Variants in GUCY1B1 observed in about 807,000 individuals in gnomAD.
The protein encoded by GUCY1B1 is guanylate cyclase 1 soluble subunit beta 1, also known as guanylate cyclase soluble subunit beta-1.
Under a neutral mutation model 71.0 loss-of-function variants are expected in GUCY1B1, and 43 were observed. The ratio of observed to expected loss-of-function variants is 0.61; its 90% CI spans 0.47 to 0.78. The LOEUF (loss-of-function observed/expected upper bound fraction) is 0.78, where lower values mean the gene tolerates loss of function less well. Ranked by LOEUF, GUCY1B1 falls within the 30% of genes least tolerant of loss-of-function variation. GUCY1B1 has a pLI of 0.00. For missense variants in GUCY1B1, 535 were observed against 754.1 expected (o/e 0.71, Z 3.40); for synonymous variants, 266 against 259.7 (o/e 1.02, Z -0.23).
Position 155,803,598 on chromosome 4 carries a change from G to A in GUCY1B1, c.1414-26G>A, listed in dbSNP as rs116865677. ...AAACAGTCTTTTTTATGCTAACCGT[G>A]AACATCTAAATATATGTACTGTTAG... is the stretch of plus-strand genomic sequence containing the variant. On this transcript the variant is annotated intron_variant, in intron 10 of 13. Coordinates refer to ENST00000264424, the MANE Select transcript of GUCY1B1 (RefSeq NM_000857.5). 1.0e-4 allele frequency: 146 copies of A among 1,422,462 alleles called. 1 individual carries two copies. The East Asian group carries it at 3.3e-3, about 32-fold the overall frequency. The allele number at this position is 1,422,462 out of a possible 1,614,324, so 88.1% of individuals were successfully genotyped here.
chr4:155,802,126 G>A lies in GUCY1B1; in HGVS notation c.1176-216G>A. ...TTTGAACTAGTTTGGGCTTGCGGAT[G>A]TCTTATGTGATTAGGATGAACAAAT... is the stretch of plus-strand genomic sequence containing the variant. On this transcript the variant is annotated intron_variant, in intron 9 of 13. Coordinates refer to ENST00000264424, the MANE Select transcript of GUCY1B1 (RefSeq NM_000857.5). The surrounding 1 kb of genome is among the most constrained non-coding windows in gnomAD (Gnocchi z 4.3). 9.2e-7 allele frequency: 1 copy of A among 1,092,524 alleles called. No homozygotes were observed. The highest frequency in any genetic ancestry group is 1.3e-6 in the Non-Finnish European group (1 of 787,442). The allele number at this position is 1,092,524 out of a possible 1,614,324, so 67.7% of individuals were successfully genotyped here.
At position 155,806,432 on chromosome 4, in the gene GUCY1B1, G is replaced by A. The variant is rs370783682; in HGVS notation, c.*23G>A. On this transcript the variant is annotated 3_prime_UTR_variant, in exon 14 of 14. Transcript: ENST00000264424. The stretch of plus-strand genomic sequence containing the variant: ...TGAATCTTGGATTATGGGGTGAAGA[G>A]GAGTACAGACTAGGTTCCAGTTTTC... 3 of 1,578,218 alleles carry A rather than the reference G, an allele frequency of 1.9e-6. No individual in the cohort carries two copies. The highest frequency in any genetic ancestry group is 1.1e-5 in the South Asian group (1 of 90,016).
chr4:155,762,085 C>G (rs1737033137), intron 2 of GUCY1B1, among the ~76,000 whole-genome samples: 1 of 152,208 alleles, frequency 6.6e-6, no homozygotes, highest in South Asian at 2.1e-4. Context: ...TCCTTGGTTT[C>G]CAACCCAATA....
chr4:155,796,451 C>T lies in GUCY1B1; in HGVS notation c.918C>T (p.Leu306=), dbSNP rs370164801. The change falls in exon 8 of 14, where the codon CTC becomes CTT. Residue 306 remains leucine, a synonymous_variant. Transcript: ENST00000264424. ...LTGTEISCLR[L]KGQMIYLPEA... is the part of the protein sequence containing the mutation. ...GGACTGAGATCAGCTGCTTACGTCT[C>T]AAGGGTCAAATGATCTACTTACCTG... is the stretch of plus-strand genomic sequence containing the variant. 1.1e-5 allele frequency: 17 copies of T among 1,611,570 alleles called. 1 individual carries two copies. Among genetic ancestry groups the T allele is most frequent in the East Asian group, 4.5e-5 (2 of 44,862 alleles).
intron 5 of GUCY1B1, among the ~76,000 whole-genome samples, chr4:155,791,843 A>C (rs1436035922): frequency 1.3e-5 from 2 of 151,628 alleles, no homozygotes; most frequent in Non-Finnish European, 2.9e-5. Flanking sequence ...TGTTGGTTTT[A>C]TTTTTATTTA....
At chr4:155,791,277 G>A (rs1301399637) in intron 5 of GUCY1B1, among the ~76,000 whole-genome samples, 2 of 151,164 alleles carry the variant, frequency 1.3e-5, no homozygotes, top group Non-Finnish European at 3.0e-5. Flanking sequence ...ACCACGCCCG[G>A]CTAATTTTTT....
intron 5 of GUCY1B1, among the ~76,000 whole-genome samples, chr4:155,790,141 C>T (rs1739059688): frequency 2.6e-5 from 4 of 151,978 alleles, no homozygotes; most frequent in Admixed American, 2.0e-4. Context: ...ATATAGTGTT[C>T]AAGGCTACAA....
At chr4:155,784,254 T>C (rs1669620330) in intron 4 of GUCY1B1, among the ~76,000 whole-genome samples, 1 of 152,172 alleles carries the variant, frequency 6.6e-6, no homozygotes, top group African/African-American at 2.4e-5. Context: ...TCTCTATATC[T>C]TTTCAGTTGA....
intron 8 of GUCY1B1, among the ~76,000 whole-genome samples, chr4:155,798,788 T>A (rs1739740378): frequency 6.6e-6 from 1 of 152,128 alleles, no homozygotes; most frequent in Non-Finnish European, 1.5e-5. Context: ...TTAAAAAAAT[T>A]CAAGCCAAAG....
chr4:155,803,717 A>G lies in GUCY1B1; in HGVS notation c.1507A>G (p.Met503Val), dbSNP rs1029382168. 1 of 1,601,902 alleles carries G rather than the reference A, an allele frequency of 6.2e-7. No individual in the cohort carries two copies. Among genetic ancestry groups the G allele is most frequent in the South Asian group, 1.1e-5 (1 of 88,696 alleles). ...ATCCATCTGCCACCTGGCCTTGGAC[A>G]TGATGGAAATTGCTGGCCAGGTTCA... ...ARSICHLALD[M>V]MEIAGQVQVD... The change falls in exon 11 of 14, where the codon ATG becomes GTG. Residue 503 changes from methionine (M) to valine (V), a missense_variant. Met to Val is a conservative substitution (Grantham distance 21). Transcript: ENST00000264424.
rs1184249365 is a variant in GUCY1B1 at position 155,759,035 on chromosome 4, C to A, written c.-106C>A. The A allele has an allele frequency of 4.0e-6, 5 of 1,238,738 alleles. No homozygotes were observed. Among genetic ancestry groups the A allele is most frequent in the East Asian group, 2.5e-5 (1 of 39,564 alleles). The allele number at this position is 1,238,738 out of a possible 1,614,324, so 76.7% of individuals were successfully genotyped here. A position where few individuals can be genotyped will look rare whatever the true frequency, so the allele number is the denominator to read the frequency against. ...CGGCTGTTCTCGCTCCAGCTCGATG[C>A]TGCCTCCCCGGCCCGGTTGCGCTGT... On this transcript the variant is annotated 5_prime_UTR_variant, in exon 1 of 14. The change creates a new upstream start codon in the 5' untranslated region. Coordinates refer to ENST00000264424, the MANE Select transcript of GUCY1B1 (RefSeq NM_000857.5).
chr4:155,776,475 T>C (rs1579208504), intron 3 of GUCY1B1, among the ~76,000 whole-genome samples: 1 of 152,024 alleles, frequency 6.6e-6, no homozygotes, highest in South Asian at 2.1e-4. Context: ...TTCGAGACCA[T>C]CCTGGCCAAC....
In GUCY1B1 at chr4:155,795,371, G is replaced by T. The variant is rs1739475404; in HGVS notation, c.757G>T (p.Val253Phe). The T allele has an allele frequency of 6.2e-7, 1 of 1,609,088 alleles. No individual in the cohort carries two copies. Among genetic ancestry groups the T allele is most frequent in the Non-Finnish European group, 8.5e-7 (1 of 1,176,066 alleles). ...LQPGNCSLLS[V>F]FSLVRPHIDI... Reference sequence around the variant, plus strand: ...GCCTGGGAATTGCAGCCTTCTGTCTGTCTTCTCGCTGGTTCGTCCTCATAT... The same window carrying T: ...GCCTGGGAATTGCAGCCTTCTGTCTTTCTTCTCGCTGGTTCGTCCTCATAT... The change falls in exon 7 of 14, where the codon GTC becomes TTC. Residue 253 changes from valine to phenylalanine, a missense_variant. By Grantham distance (50) the Val-to-Phe change is conservative. Transcript: ENST00000264424.
rs527667615 is a variant in GUCY1B1, at chr4:155,786,739, C to A, written c.298-2975C>A. On this transcript the variant is annotated intron_variant, in intron 4 of 13. Transcript: ENST00000264424. ...CCGCCCGCCTTGGCCTCCCAAAGTG[C>A]TGGGATTACAGGTGTGAGGCACCGC... Among the ~76,000 whole-genome samples the A allele has an allele frequency of 6.8e-4, 104 of 152,088 alleles. No individual in the cohort carries two copies. In the South Asian group the frequency reaches 0.021, roughly 30 times the overall value.
chr4:155,764,015 T>G (rs980729141), intron 2 of GUCY1B1, among the ~76,000 whole-genome samples: 1 of 152,084 alleles, frequency 6.6e-6, no homozygotes, highest in African/African-American at 2.4e-5. Flanking sequence ...TCTAAATTTT[T>G]TTTATCACTC....
intron 8 of GUCY1B1, among the ~76,000 whole-genome samples, chr4:155,798,839 C>T (rs370198663): frequency 6.6e-6 from 1 of 151,574 alleles, no homozygotes; most frequent in Admixed American, 6.6e-5. Flanking sequence ...GTTTTGTTGT[C>T]GTTGTTGTTG....
At chr4:155,762,122 T>G (rs1737035017) in intron 2 of GUCY1B1, among the ~76,000 whole-genome samples, 1 of 152,178 alleles carries the variant, frequency 6.6e-6, no homozygotes, top group Non-Finnish European at 1.5e-5. Context: ...AAATGCTCCC[T>G]GGGAGAGCAT....
rs374655021 is a variant in GUCY1B1, at chr4:155,794,053, G to A, written c.693G>A (p.Gln231=). 10 of 1,609,860 alleles carry A rather than the reference G, an allele frequency of 6.2e-6. No individual in the cohort carries two copies. In the African/African-American group the frequency reaches 1.1e-4, roughly 17 times the overall value. ...TTGACCGGGACCTAGTGGTCACTCA[G>A]TGTGGCAATGCTATATACAGAGTTC... is the stretch of plus-strand genomic sequence containing the variant. ...IIFDRDLVVT[Q]CGNAIYRVLP... is the part of the protein sequence containing the mutation. Residue 231 remains glutamine (Q), a synonymous_variant, in exon 6 of 14, where the codon CAG becomes CAA. Transcript: ENST00000264424.
intron 8 of GUCY1B1, among the ~76,000 whole-genome samples, chr4:155,799,445 A>G (rs1210789177): frequency 2.6e-5 from 4 of 152,218 alleles, no homozygotes; most frequent in Non-Finnish European, 4.4e-5. Flanking sequence ...TACAAGATTC[A>G]TAGAATACAG....
Sources: gnomAD v4.1 joint callset for allele counts (sites outside exome capture counted in the v4.1 genomes callset) on GRCh38, gnomAD v4.1.1 for gene constraint, Gnocchi (gnomAD v3.1) non-coding constraint, MANE v1.5 for transcripts, NCBI Gene and HGNC (gene_info 2026-07-23, HGNC 2026-07-21) for gene names.